MGST1: variants seen among roughly 807,000 people sequenced by gnomAD.
The protein encoded by MGST1 is glutathione S-transferase 12.
MGST1 carries 5 observed loss-of-function variants against 8.9 expected under a neutral mutation model. The ratio of observed to expected loss-of-function variants is 0.56; its 90% CI spans 0.29 to 1.19. The LOEUF (loss-of-function observed/expected upper bound fraction) is 1.19. Among genes scored for constraint, MGST1 ranks in the 50% most tolerant of loss-of-function variants. The pLI is 0.08. For missense variants in MGST1, 182 were observed against 187.4 expected, an observed-to-expected ratio of 0.97 and a Z score of 0.17; for synonymous variants, 54 against 67.8, an observed-to-expected ratio of 0.80 and a Z score of 1.00.
downstream of MGST1, among the ~76,000 whole-genome samples, chr12:16,440,648 C>G (rs1032518153): frequency 2.0e-5 from 3 of 151,818 alleles, no homozygotes; most frequent in African/African-American, 7.2e-5. Context: ...CCATTCTCTT[C>G]TTCATGAGCA....
chr12:16,417,187 G>A (rs1351511072), intron 1 of MGST1, among the ~76,000 whole-genome samples: 1 of 152,070 alleles, frequency 6.6e-6, no homozygotes, highest in Non-Finnish European at 1.5e-5. Context: ...TGGCTGGGAA[G>A]GCCTCAGGAA....
rs936718246 is a variant in MGST1 at position 16,482,661 on chromosome 12, A to G, written n.482+99057A>G. ...AAAAAAAAAAAGAGTGAGAACATGT[A>G]AAAATGCAAGAACATGTAAAAATGC... On this transcript the variant is annotated intron_variant and non_coding_transcript_variant, in intron 4 of 4. Transcript: ENST00000538857. The surrounding 1 kb of genome is among the most constrained non-coding windows in gnomAD (Gnocchi z 4.2). 4.6e-5 allele frequency among the ~76,000 whole-genome samples: 7 copies of G among 152,056 alleles called. No homozygotes were observed. The highest frequency in any genetic ancestry group is 1.5e-5 in the Non-Finnish European group (1 of 67,984).
rs1942164486 is a variant in MGST1, at chr12:16,555,639, A to AATT, written n.483-33888_483-33886dup. ...ATGGCTTTTCAAAGACTAAGTTTACAATTTCATTTCCTCTAGGTGCTTGCT... is the reference window on the plus strand; with the variant it reads ...ATGGCTTTTCAAAGACTAAGTTTACAATTATTTCATTTCCTCTAGGTGCTTGCT... On this transcript the variant is annotated intron_variant and non_coding_transcript_variant, in intron 4 of 4. Transcript: ENST00000538857. The surrounding 1 kb of genome is among the most constrained non-coding windows in gnomAD (Gnocchi z 5.5). Among the ~76,000 whole-genome samples, 1 of 152,198 alleles carries AATT rather than the reference A, an allele frequency of 6.6e-6. No individual in the cohort carries two copies. The highest frequency in any genetic ancestry group is 6.5e-5 in the Admixed American group (1 of 15,276).
chr12:16,417,816 C>T (rs546023307), intron 1 of MGST1, among the ~76,000 whole-genome samples: 30 of 152,208 alleles, frequency 2.0e-4, no homozygotes, highest in African/African-American at 7.0e-4. Context: ...ATTCTAAACC[C>T]AAGGAACATC....
intron 4 of MGST1, among the ~76,000 whole-genome samples, chr12:16,539,624 A>G (rs1253065956): frequency 1.3e-5 from 2 of 152,170 alleles, no homozygotes; most frequent in African/African-American, 2.4e-5. Flanking sequence ...TCCCCACCGT[A>G]TAATGTCTGC....
At chr12:16,380,296 T>G (rs1025017841), downstream of MGST1, among the ~76,000 whole-genome samples, 8 of 152,240 alleles carry the variant, frequency 5.3e-5, no homozygotes, top group Admixed American at 3.3e-4. Flanking sequence ...TAAATTTCCC[T>G]CTACACACTG....
intron 4 of MGST1, among the ~76,000 whole-genome samples, chr12:16,464,250 T>A (rs1941240206): frequency 6.6e-6 from 1 of 152,220 alleles, no homozygotes; most frequent in Non-Finnish European, 1.5e-5. Context: ...ATTTATTTCA[T>A]TACATTTCCG....
rs1427155008 is a variant in MGST1, at chr12:16,513,418, C to T, written n.483-76110C>T. ...TGGCTCCTCTGCGCTCCAGCTGCGT[C>T]GTCTCCGGGATCGCCGCCGCCTTCC... On this transcript the variant is annotated intron_variant and non_coding_transcript_variant, in intron 4 of 4. Transcript: ENST00000538857. This position sits in a 1 kb window ranked among gnomAD's most constrained non-coding sequence, Gnocchi z 4.2. 15 of 393,586 alleles carry T rather than the reference C, an allele frequency of 3.8e-5. No individual in the cohort carries two copies. The highest frequency in any genetic ancestry group is 5.4e-5 in the Non-Finnish European group (11 of 202,162). 24.4% of individuals were successfully genotyped at this position (393,586 alleles called of 1,614,324 possible). A position where few individuals can be genotyped will look rare whatever the true frequency, so the allele number is the denominator to read the frequency against.
intron 4 of MGST1, among the ~76,000 whole-genome samples, chr12:16,529,318 A>C (rs1024764928): frequency 6.6e-6 from 1 of 152,016 alleles, no homozygotes; most frequent in Non-Finnish European, 1.5e-5. Context: ...TTATCCACCC[A>C]ATGATAGTCT....
intron 4 of MGST1, among the ~76,000 whole-genome samples, chr12:16,567,059 G>T (rs1227765834): frequency 1.3e-5 from 2 of 152,150 alleles, no homozygotes; most frequent in Admixed American, 1.3e-4. Context: ...AGCTGGGTGT[G>T]TTGGCAGGCG....
intron 4 of MGST1, among the ~76,000 whole-genome samples, chr12:16,569,727 C>T (rs1942745567): frequency 6.6e-6 from 1 of 151,980 alleles, no homozygotes; most frequent in African/African-American, 2.4e-5. Context: ...GTCAAGCTTG[C>T]TATTTATTGT....
Position 16,401,837 on chromosome 12 carries a change from G to A in MGST1, n.778+18233G>A. On this transcript the variant is annotated intron_variant and non_coding_transcript_variant, in intron 1 of 1. Transcript: ENST00000359720. The surrounding 1 kb of genome is among the most constrained non-coding windows in gnomAD (Gnocchi z 4.3). ...CCATGACTCTTTCCTTGAAGAATTTGTTGAAGACTTCAGAAGTGATGCCAG... is the reference window on the plus strand; with the variant it reads ...CCATGACTCTTTCCTTGAAGAATTTATTGAAGACTTCAGAAGTGATGCCAG... 6.2e-7 allele frequency: 1 copy of A among 1,604,788 alleles called. No individual in the cohort carries two copies. The highest frequency in any genetic ancestry group is 1.7e-5 in the Admixed American group (1 of 60,002).
intron 1 of MGST1, among the ~76,000 whole-genome samples, chr12:16,428,653 C>G (rs1360810777): frequency 6.6e-6 from 1 of 151,838 alleles, no homozygotes; most frequent in African/African-American, 2.4e-5. Flanking sequence ...ATATGTCCCA[C>G]CAAGTGCATT....
intron 4 of MGST1, among the ~76,000 whole-genome samples, chr12:16,558,054 G>T (rs1942258772): frequency 1.3e-5 from 2 of 151,940 alleles, no homozygotes; most frequent in African/African-American, 4.8e-5. Flanking sequence ...ACTCAGAAAA[G>T]CTTAAAATAT....
intron 4 of MGST1, among the ~76,000 whole-genome samples, chr12:16,583,708 G>A (rs954974373): frequency 6.6e-6 from 1 of 152,186 alleles, no homozygotes; most frequent in Non-Finnish European, 1.5e-5. Flanking sequence ...CCACACTGTA[G>A]GAATGGATTG....
Position 16,467,804 on chromosome 12 carries a change from C to G in MGST1, n.482+84200C>G, listed in dbSNP as rs372355478. ...TATTAATAATTCCCAAACAGAGTGT[C>G]TGCTTCAGACATTAGTTTCTGAAAT... is the stretch of plus-strand genomic sequence containing the variant. On this transcript the variant is annotated intron_variant and non_coding_transcript_variant, in intron 4 of 4. Coordinates refer to the MGST1 transcript ENST00000538857. 9.8e-5 allele frequency among the ~76,000 whole-genome samples: 15 copies of G among 152,322 alleles called. No homozygotes were observed. In the East Asian group the frequency reaches 2.9e-3, roughly 29 times the overall value.
At chr12:16,377,614 A>G (rs1940402628), downstream of MGST1, among the ~76,000 whole-genome samples, 2 of 152,100 alleles carry the variant, frequency 1.3e-5, no homozygotes, top group Non-Finnish European at 2.9e-5. Flanking sequence ...ATACGTGTGC[A>G]TGTGTCTTTA....
intron 4 of MGST1, among the ~76,000 whole-genome samples, chr12:16,588,743 C>T (rs1243295549): frequency 1.3e-5 from 2 of 152,086 alleles, no homozygotes; most frequent in Admixed American, 6.6e-5. Context: ...CCTTTGCACA[C>T]GAAAAGTTGG....
At chr12:16,414,922 G>A (rs544338814) in intron 1 of MGST1, among the ~76,000 whole-genome samples, 3 of 152,204 alleles carry the variant, frequency 2.0e-5, no homozygotes, top group South Asian at 4.1e-4. Flanking sequence ...TACTCGGGAG[G>A]CTGAGGCATG....
Sources: gnomAD v4.1 joint callset for allele counts (sites outside exome capture counted in the v4.1 genomes callset) on GRCh38, gnomAD v4.1.1 for gene constraint, Gnocchi (gnomAD v3.1) non-coding constraint, MANE v1.5 for transcripts, NCBI Gene and HGNC (gene_info 2026-07-23, HGNC 2026-07-21) for gene names.